NELL1: variants seen among roughly 807,000 people sequenced by gnomAD.
The protein encoded by NELL1 is protein kinase C-binding protein NELL1.
A neutral mutation model predicts 107.4 loss-of-function variants in NELL1; 76 were observed. The observed-to-expected ratio is 0.71, with a 90% CI of 0.59 to 0.86. The LOEUF (loss-of-function observed/expected upper bound fraction) is 0.86. Ranked by LOEUF, NELL1 falls within the 40% of genes least tolerant of loss-of-function variation. The probability of loss-of-function intolerance (pLI) is 0.00; values close to 1 mark genes in which losing one functional copy is unlikely to be tolerated. For missense variants in NELL1, 1,024 were observed against 1,005.5 expected (o/e 1.02, Z -0.25); for synonymous variants, 353 against 341.2 (o/e 1.03, Z -0.38).
rs969856545 is a variant in NELL1, at chr11:21,094,109, C to T, written c.1301-19480C>T. Among the ~76,000 whole-genome samples the T allele has an allele frequency of 1.8e-4, 27 of 152,224 alleles. 1 individual carries two copies. The highest frequency in any genetic ancestry group is 1.7e-3 in the South Asian group (8 of 4,828). ...TTACTTCCTAGATTCAATGGGGGTACGGGATTGGGTAAATACAGCCACTCC... is the reference window on the plus strand; with the variant it reads ...TTACTTCCTAGATTCAATGGGGGTATGGGATTGGGTAAATACAGCCACTCC... On this transcript the variant is annotated intron_variant, in intron 12 of 19. Coordinates refer to ENST00000357134, the MANE Select transcript of NELL1 (RefSeq NM_006157.5).
chr11:21,439,115 G>A (rs146405576), intron 15 of NELL1, among the ~76,000 whole-genome samples: 5 of 151,488 alleles, frequency 3.3e-5, no homozygotes, highest in Non-Finnish European at 7.4e-5. Flanking sequence ...GAGAAAACAG[G>A]AACAATCCAC....
intron 12 of NELL1, among the ~76,000 whole-genome samples, chr11:20,976,671 A>G (rs917368803): frequency 3.3e-5 from 5 of 152,206 alleles, no homozygotes; most frequent in African/African-American, 1.2e-4. Context: ...TGTACATGGA[A>G]TTATTGTAAT....
At chr11:21,144,765 A>G (rs1456302455) in intron 13 of NELL1, among the ~76,000 whole-genome samples, 1 of 152,212 alleles carries the variant, frequency 6.6e-6, no homozygotes, top group Non-Finnish European at 1.5e-5. Context: ...CATGAACAGT[A>G]GTTTGAGTGG....
At chr11:20,747,180 T>C (rs1036676418) in intron 2 of NELL1, among the ~76,000 whole-genome samples, 5 of 152,196 alleles carry the variant, frequency 3.3e-5, no homozygotes, top group Non-Finnish European at 5.9e-5. Flanking sequence ...AAATGTTAAG[T>C]AGTCTGTGTG....
intron 14 of NELL1, among the ~76,000 whole-genome samples, chr11:21,314,125 T>C (rs531746205): frequency 4.7e-5 from 7 of 150,160 alleles, no homozygotes; most frequent in Admixed American, 3.4e-4. Context: ...GTGCTTCCTA[T>C]ACAGCCTGCA....
chr11:21,006,369 C>T (rs985368107), intron 12 of NELL1, among the ~76,000 whole-genome samples: 2 of 151,990 alleles, frequency 1.3e-5, no homozygotes, highest in Non-Finnish European at 2.9e-5. Flanking sequence ...TGCTGTCTTC[C>T]CCAGATATAG....
chr11:20,870,842 A>G (rs1302926736), intron 4 of NELL1, among the ~76,000 whole-genome samples: 1 of 152,236 alleles, frequency 6.6e-6, no homozygotes, highest in East Asian at 1.9e-4. Context: ...TGATAGCTGG[A>G]AAAAATAAAA....
At chr11:20,746,416 C>A (rs1294607677) in intron 2 of NELL1, among the ~76,000 whole-genome samples, 1 of 152,126 alleles carries the variant, frequency 6.6e-6, no homozygotes, top group Non-Finnish European at 1.5e-5. Flanking sequence ...AGTAACTTAA[C>A]CACTCCAACC....
intron 15 of NELL1, among the ~76,000 whole-genome samples, chr11:21,378,717 A>AT (rs11306401): frequency 0.027 from 3,690 of 136,654 alleles, 151 homozygotes; most frequent in African/African-American, 0.079. Context: ...ACACTTGTAC[A>AT]TTTTTTTTTT....
chr11:21,526,954 C>T (rs1008518937), intron 15 of NELL1, among the ~76,000 whole-genome samples: 1 of 152,230 alleles, frequency 6.6e-6, no homozygotes, highest in African/African-American at 2.4e-5. Context: ...GCATTTGGCT[C>T]ATTACTTATG....
intron 14 of NELL1, among the ~76,000 whole-genome samples, chr11:21,234,478 G>C (rs1590758342): frequency 1.3e-5 from 2 of 152,174 alleles, no homozygotes; most frequent in African/African-American, 4.8e-5. Context: ...CGTGGGACAG[G>C]GAAGTTGAAT....
intron 3 of NELL1, among the ~76,000 whole-genome samples, chr11:20,792,671 C>T (rs1341904344): frequency 1.3e-5 from 2 of 151,868 alleles, no homozygotes; most frequent in African/African-American, 4.8e-5. Flanking sequence ...TTAATAGAAT[C>T]TATAATGTTG....
intron 14 of NELL1, among the ~76,000 whole-genome samples, chr11:21,261,252 A>C (rs900554613): frequency 6.6e-6 from 1 of 151,328 alleles, no homozygotes; most frequent in Non-Finnish European, 1.5e-5. Flanking sequence ...TGCATAGGTA[A>C]ACTTGTGTCA....
At chr11:20,755,747 G>A (rs187053753) in intron 2 of NELL1, among the ~76,000 whole-genome samples, 284 of 151,512 alleles carry the variant, frequency 1.9e-3, no homozygotes, top group African/African-American at 6.7e-3. Flanking sequence ...GTAGAGATGG[G>A]GTTTCACCAT....
intron 15 of NELL1, among the ~76,000 whole-genome samples, chr11:21,437,419 G>T (rs1397164131): frequency 6.6e-6 from 1 of 152,176 alleles, no homozygotes; most frequent in African/African-American, 2.4e-5. Context: ...GAGTGCAATG[G>T]TGCGATCTCG....
At chr11:21,518,875 AT>A (rs1206100912) in intron 15 of NELL1, among the ~76,000 whole-genome samples, 1 of 152,174 alleles carries the variant, frequency 6.6e-6, no homozygotes, top group Non-Finnish European at 1.5e-5. Context: ...CATTGGTTGA[AT>A]TTATTTTGGC....
chr11:21,196,386 C>A (rs775570871), intron 13 of NELL1, among the ~76,000 whole-genome samples: 25 of 152,106 alleles, frequency 1.6e-4, no homozygotes, highest in Non-Finnish European at 3.5e-4. Flanking sequence ...CTACCTTAAT[C>A]CCATTTTCTC....
At chr11:21,549,108 G>A (rs1235455312) in intron 16 of NELL1, among the ~76,000 whole-genome samples, 3 of 151,758 alleles carry the variant, frequency 2.0e-5, no homozygotes, top group African/African-American at 7.3e-5. Context: ...AAGATTCCAA[G>A]TGAGTGTTCA....
intron 12 of NELL1, among the ~76,000 whole-genome samples, chr11:20,961,347 A>G (rs1331270333): frequency 6.6e-6 from 1 of 152,174 alleles, no homozygotes; most frequent in Non-Finnish European, 1.5e-5. Flanking sequence ...CAACGTGCTC[A>G]TGGCTCCCTT....
Sources: gnomAD v4.1 joint callset for allele counts (sites outside exome capture counted in the v4.1 genomes callset) on GRCh38, gnomAD v4.1.1 for gene constraint, MANE v1.5 for transcripts, NCBI Gene and HGNC (gene_info 2026-07-23, HGNC 2026-07-21) for gene names.